Variants in GRM5 observed in about 807,000 individuals in gnomAD.
GRM5 encodes the protein metabotropic glutamate receptor 5.
GRM5 carries 19 observed loss-of-function variants against 83.1 expected under a neutral mutation model. The observed-to-expected ratio is 0.23, with a 90% CI of 0.16 to 0.34. The LOEUF (loss-of-function observed/expected upper bound fraction) is 0.34. Ranked by LOEUF, GRM5 falls within the 10% of genes least tolerant of loss-of-function variation. GRM5 has a pLI of 1.00. For synonymous variants in GRM5, 675 were observed against 633.6 expected (o/e 1.07, Z -0.98); for missense variants, 1,160 against 1,588.3 (o/e 0.73, Z 4.58).
intron 9 of GRM5, among the ~76,000 whole-genome samples, chr11:88,524,419 C>T (rs1018557024): frequency 1.3e-5 from 2 of 151,828 alleles, no homozygotes; most frequent in Admixed American, 1.3e-4. Context: ...GGTTTCACCA[C>T]ATTGGCTAGG....
intron 3 of GRM5, among the ~76,000 whole-genome samples, chr11:88,705,755 TCTC>T (rs142053511): frequency 0.026 from 3,966 of 151,980 alleles, 94 homozygotes; most frequent in East Asian, 0.13. Context: ...TGATCTTATC[TCTC>T]CTCTATGTTT....
chr11:89,029,665 C>A (rs1024980679), intron 2 of GRM5, among the ~76,000 whole-genome samples: 6 of 152,186 alleles, frequency 3.9e-5, no homozygotes, highest in Non-Finnish European at 7.4e-5. Context: ...ATTCCAGATG[C>A]ATCCCTAATG....
intron 9 of GRM5, among the ~76,000 whole-genome samples, chr11:88,515,786 G>T (rs933267566): frequency 9.2e-5 from 14 of 152,180 alleles, no homozygotes; most frequent in Admixed American, 7.9e-4. Context: ...AGTAAATAGA[G>T]AACAAAGCCA....
intron 2 of GRM5, among the ~76,000 whole-genome samples, chr11:89,040,326 C>T (rs1299921385): frequency 2.6e-5 from 4 of 151,970 alleles, no homozygotes; most frequent in African/African-American, 9.7e-5. Flanking sequence ...AGGATAATGA[C>T]CAGACTTACA....
intron 3 of GRM5, among the ~76,000 whole-genome samples, chr11:88,764,490 G>A (rs1376532019): frequency 1.3e-5 from 2 of 151,508 alleles, no homozygotes; most frequent in South Asian, 2.1e-4. Context: ...TTTTATAGAT[G>A]TCATACAAAG....
intron 2 of GRM5, among the ~76,000 whole-genome samples, chr11:88,862,333 T>TTA (rs895910435): frequency 6.6e-6 from 1 of 152,270 alleles, no homozygotes; most frequent in East Asian, 1.9e-4. Context: ...CATTGTTTTG[T>TTA]TATATATATA....
intron 3 of GRM5, among the ~76,000 whole-genome samples, chr11:88,784,330 AC>A (rs762331411): frequency 2.0e-5 from 3 of 152,080 alleles, no homozygotes; most frequent in Non-Finnish European, 4.4e-5. Flanking sequence ...AGTAGGAAGC[AC>A]ACTTTTCCTA....
intron 3 of GRM5, among the ~76,000 whole-genome samples, chr11:88,817,429 T>C (rs897615008): frequency 1.3e-5 from 2 of 152,102 alleles, no homozygotes; most frequent in Non-Finnish European, 2.9e-5. Context: ...CTTGATACAA[T>C]TCCCAAACCC....
intron 1 of GRM5, among the ~76,000 whole-genome samples, chr11:89,053,194 G>A (rs1169976282): frequency 2.0e-5 from 3 of 152,122 alleles, no homozygotes; most frequent in Admixed American, 6.6e-5. Flanking sequence ...TAGAGACACA[G>A]AAGGTACAGT....
intron 3 of GRM5, among the ~76,000 whole-genome samples, chr11:88,723,280 T>C (rs531110530): frequency 6.6e-6 from 1 of 152,120 alleles, no homozygotes. Flanking sequence ...ATTCACCCAC[T>C]GAAGGACATC....
intron 3 of GRM5, among the ~76,000 whole-genome samples, chr11:88,797,834 A>G (rs554864507): frequency 6.6e-6 from 1 of 151,910 alleles, no homozygotes; most frequent in Admixed American, 6.5e-5. Flanking sequence ...TGTTAAAAAA[A>G]AAAAGCATTA....
chr11:88,576,129 A>G (rs1337159029), intron 7 of GRM5, among the ~76,000 whole-genome samples: 4 of 152,184 alleles, frequency 2.6e-5, no homozygotes, highest in Non-Finnish European at 5.9e-5. Flanking sequence ...GTGAATTTAA[A>G]TAATAAAGCG....
chr11:88,596,835 A>G (rs949862460), intron 6 of GRM5, among the ~76,000 whole-genome samples: 1 of 152,020 alleles, frequency 6.6e-6, no homozygotes, highest in Non-Finnish European at 1.5e-5. Flanking sequence ...TTGCCTAATC[A>G]ATATTAACTA....
At chr11:89,034,778 C>A (rs1339145487) in intron 2 of GRM5, among the ~76,000 whole-genome samples, 1 of 149,598 alleles carries the variant, frequency 6.7e-6, no homozygotes, top group African/African-American at 2.5e-5. Context: ...TCTCAAAACA[C>A]AAGTTTTAGG....
chr11:88,649,109 AATAT>A (rs975675674), intron 4 of GRM5, among the ~76,000 whole-genome samples: 1 of 143,818 alleles, frequency 7.0e-6, no homozygotes, highest in African/African-American at 2.5e-5. Context: ...ATATATATTA[AATAT>A]ATATGTAATA....
At chr11:88,882,951 C>T (rs987771812) in intron 2 of GRM5, among the ~76,000 whole-genome samples, 1 of 152,154 alleles carries the variant, frequency 6.6e-6, no homozygotes, top group African/African-American at 2.4e-5. Context: ...TGCCTATGCT[C>T]TCTCTCCTGC....
intron 2 of GRM5, among the ~76,000 whole-genome samples, chr11:89,040,602 G>A (rs548684484): frequency 1.3e-5 from 2 of 152,250 alleles, no homozygotes; most frequent in South Asian, 2.1e-4. Flanking sequence ...TTGGGAGGCT[G>A]AACCAGGAGG....
chr11:88,874,596 T>C (rs1590929989), intron 2 of GRM5, among the ~76,000 whole-genome samples: 1 of 151,774 alleles, frequency 6.6e-6, no homozygotes, highest in Non-Finnish European at 1.5e-5. Flanking sequence ...AATAAGAGAA[T>C]TATATCAAAC....
Position 88,590,668 on chromosome 11 carries a change from C to T in GRM5, c.1623G>A (p.Glu541=), listed in dbSNP as rs200228029. Residue 541 remains glutamate (E), a synonymous_variant, in exon 7 of 10, where the codon GAG becomes GAA. Transcript: ENST00000305447. ...CWTCTPCKEN[E]YVFDEYTCKA... ...TGCATGTGTACTCATCAAAGACATA[C>T]TCATTCTCCTTACAAGGTGTACAGG... 6.2e-7 allele frequency: 1 copy of T among 1,608,482 alleles called. No individual in the cohort carries two copies. The highest frequency in any genetic ancestry group is 1.1e-5 in the South Asian group (1 of 90,948).
Sources: allele counts gnomAD v4.1 joint callset (sites outside exome capture counted in the v4.1 genomes callset), GRCh38; gene constraint gnomAD v4.1.1; transcripts MANE v1.5; gene names NCBI Gene and HGNC (gene_info 2026-07-23, HGNC 2026-07-21).